The following PCBP3 variants were observed in gnomAD, a reference collection of about 807,000 sequenced individuals.
PCBP3 encodes poly(rC) binding protein 3.
In PCBP3, 25 loss-of-function variants were observed where a neutral mutation model predicts 52.7. The observed-to-expected ratio is 0.47, with a 90% confidence interval of 0.35 to 0.66. The LOEUF (loss-of-function observed/expected upper bound fraction) is 0.66. Among genes scored for constraint, PCBP3 ranks in the 30% least tolerant of loss-of-function variants. PCBP3 has a pLI of 0.01. For synonymous variants in PCBP3, 162 were observed against 183.0 expected, an observed-to-expected ratio of 0.89 and a Z score of 0.93; for missense variants, 391 against 490.3, an observed-to-expected ratio of 0.80 and a Z score of 1.91.
chr21:45,884,638 G>A (rs1235162127), intron 5 of PCBP3, among the ~76,000 whole-genome samples: 4 of 152,012 alleles, frequency 2.6e-5, no homozygotes, highest in African/African-American at 9.7e-5. Flanking sequence ...ATGGCTCACT[G>A]CAGCCTCGAC....
intron 5 of PCBP3, among the ~76,000 whole-genome samples, chr21:45,892,441 A>G (rs573366386): frequency 4.0e-3 from 196 of 48,916 alleles, no homozygotes; most frequent in Admixed American, 6.0e-3. Flanking sequence ...AGTGCACGTG[A>G]GGGGCGCAGT....
intron 5 of PCBP3, among the ~76,000 whole-genome samples, chr21:45,855,046 C>G (rs2148314344): frequency 6.6e-6 from 1 of 152,260 alleles, no homozygotes; most frequent in African/African-American, 2.4e-5. Flanking sequence ...CCCTAGGCAG[C>G]CTTATGGCGA....
rs1468605593 is a variant in PCBP3 at position 45,901,743 on chromosome 21, A to AG, written c.339+630_339+631insG. On this transcript the variant is annotated intron_variant, in intron 9 of 17. Transcript: ENST00000681687. ...AGAGAGATGAGAGAGAGAGAGACAG[A>AG]AAGAGAGAGAGACAGAGACAGAGAG... is the stretch of plus-strand genomic sequence containing the variant. Among the ~76,000 whole-genome samples, 244 of 150,702 alleles carry AG rather than the reference A, an allele frequency of 1.6e-3. 2 individuals carry two copies. Among genetic ancestry groups the AG allele is most frequent in the African/African-American group, 5.0e-3 (204 of 40,774 alleles).
intron 2 of PCBP3, among the ~76,000 whole-genome samples, chr21:45,722,027 G>A (rs1021505818): frequency 1.3e-5 from 2 of 152,050 alleles, no homozygotes; most frequent in South Asian, 2.1e-4. Flanking sequence ...GGAGATAATC[G>A]GATAAGCACT....
At chr21:45,712,640 A>G (rs1036211818) in intron 2 of PCBP3, among the ~76,000 whole-genome samples, 26 of 152,130 alleles carry the variant, frequency 1.7e-4, no homozygotes, top group East Asian at 5.8e-4. Flanking sequence ...AGCCTGAGCT[A>G]TTATATACTA....
At chr21:45,681,805 G>T (rs994793881) in intron 2 of PCBP3, among the ~76,000 whole-genome samples, 4 of 151,924 alleles carry the variant, frequency 2.6e-5, no homozygotes, top group African/African-American at 9.7e-5. Flanking sequence ...TTGTCTTCTG[G>T]AAAATATGAT....
rs1401895576 is a variant in PCBP3 at position 45,741,847 on chromosome 21, T to A, written c.-162+6418T>A. Among the ~76,000 whole-genome samples the A allele has an allele frequency of 2.6e-5, 4 of 152,164 alleles. No individual in the cohort carries two copies. On this transcript the variant is annotated intron_variant, in intron 3 of 17. Transcript: ENST00000681687. The surrounding 1 kb of genome is among the most constrained non-coding windows in gnomAD (Gnocchi z 4.5). ...TGGCTTGGTGAATCTGAGGCAGATCTTTCTCCTCAGGTTGCTTGAGCTCTG... is the reference window on the plus strand; with the variant it reads ...TGGCTTGGTGAATCTGAGGCAGATCATTCTCCTCAGGTTGCTTGAGCTCTG...
At chr21:45,790,230 G>A (rs1277405573) in intron 4 of PCBP3, among the ~76,000 whole-genome samples, 1 of 152,144 alleles carries the variant, frequency 6.6e-6, no homozygotes, top group African/African-American at 2.4e-5. Flanking sequence ...GTGAGAGGTG[G>A]TCCCGAGGAC....
chr21:45,909,956 GGACCCCCCCACACACACTTCCCAGA>G (rs1569484936), intron 10 of PCBP3, among the ~76,000 whole-genome samples: 1 of 59,076 alleles, frequency 1.7e-5, no homozygotes, highest in African/African-American at 7.4e-5. Context: ...TCCCAGATAC[GGACCCCCCCACACACACTTCCCAGA>G]TACGGACCCC....
chr21:45,771,027 AC>A (rs2089823183), intron 4 of PCBP3, among the ~76,000 whole-genome samples: 1 of 152,226 alleles, frequency 6.6e-6, no homozygotes, highest in South Asian at 2.1e-4. Context: ...TGGAGTGTAA[AC>A]ATGTGTGCCT....
At chr21:45,905,136 A>G (rs531065617) in intron 9 of PCBP3, among the ~76,000 whole-genome samples, 11 of 152,312 alleles carry the variant, frequency 7.2e-5, no homozygotes, top group South Asian at 2.1e-4. Flanking sequence ...AAATCTTACA[A>G]TGGCCTCTTG....
intron 1 of PCBP3, among the ~76,000 whole-genome samples, chr21:45,660,803 C>T (rs1394138083): frequency 6.6e-6 from 1 of 152,136 alleles, no homozygotes; most frequent in Non-Finnish European, 1.5e-5. Context: ...CTTTGGGAGG[C>T]CGACGCGGAC....
At chr21:45,686,181 G>A (rs556317274) in intron 2 of PCBP3, among the ~76,000 whole-genome samples, 81 of 152,292 alleles carry the variant, frequency 5.3e-4, no homozygotes, top group African/African-American at 1.7e-3. Context: ...GCCTCCCAAA[G>A]TGCTGGGATT....
chr21:45,747,568 C>T (rs1297286197), intron 3 of PCBP3, among the ~76,000 whole-genome samples: 1 of 152,238 alleles, frequency 6.6e-6, no homozygotes, highest in African/African-American at 2.4e-5. Context: ...CACTATTTCA[C>T]TGTGGAAATG....
chr21:45,818,086 G>C (rs553320904), intron 4 of PCBP3, among the ~76,000 whole-genome samples: 1 of 152,034 alleles, frequency 6.6e-6, no homozygotes, highest in South Asian at 2.1e-4. Context: ...GCAGTGGTGC[G>C]ATCTTGGCTC....
chr21:45,823,994 G>C (rs113003900), intron 4 of PCBP3, among the ~76,000 whole-genome samples: 2,947 of 152,198 alleles, frequency 0.019, 112 homozygotes, highest in African/African-American at 0.066. Flanking sequence ...CACCCGCCTT[G>C]GCCTCCCAAA....
chr21:45,745,825 G>A lies in PCBP3; in HGVS notation c.-161-9592G>A, dbSNP rs368127748. Reference sequence around the variant, plus strand: ...AGGAGAGGAGTGAGTGAGGACCTGGGGGTCACCCACACTTCAGAGTGAGGC... The same window carrying A: ...AGGAGAGGAGTGAGTGAGGACCTGGAGGTCACCCACACTTCAGAGTGAGGC... On this transcript the variant is annotated intron_variant, in intron 3 of 17. Coordinates refer to ENST00000681687, the MANE Select transcript of PCBP3 (RefSeq NM_001384156.1). Among the ~76,000 whole-genome samples, 140 of 152,368 alleles carry A rather than the reference G, an allele frequency of 9.2e-4. 3 individuals are homozygous for A. The South Asian group carries it at 0.028, about 31-fold the overall frequency.
At chr21:45,868,556 A>G (rs1180870149) in intron 5 of PCBP3, among the ~76,000 whole-genome samples, 1 of 150,974 alleles carries the variant, frequency 6.6e-6, no homozygotes, top group African/African-American at 2.4e-5. Flanking sequence ...TGGCCCGCGC[A>G]TTGAGGAATC....
Position 45,909,476 on chromosome 21 carries a change from A to G in PCBP3, c.461A>G (p.Glu154Gly). The G allele has an allele frequency of 2.5e-6, 4 of 1,612,870 alleles. No homozygotes were observed. Among genetic ancestry groups the G allele is most frequent in the Non-Finnish European group, 3.4e-6 (4 of 1,179,594 alleles). ...GGCAAAGGAGGCTCCAAGATCAAGG[A>G]GATCAGGGAGGTAACAGGACCTTCC... ...LIGKGGSKIK[E>G]IRESTGAQVQ... The change falls in exon 10 of 18, where the codon GAG becomes GGG. Residue 154 changes from glutamate to glycine, a missense_variant. Glu to Gly is a moderately conservative substitution (Grantham distance 98). Coordinates refer to ENST00000681687, the MANE Select transcript of PCBP3 (RefSeq NM_001384156.1).
Sources: allele counts gnomAD v4.1 joint callset (sites outside exome capture counted in the v4.1 genomes callset), GRCh38; gene constraint gnomAD v4.1.1; non-coding constraint Gnocchi (gnomAD v3.1); transcripts MANE v1.5; gene names NCBI Gene and HGNC (gene_info 2026-07-23, HGNC 2026-07-21).